ANXA8: variants seen among roughly 807,000 people sequenced by gnomAD.
ANXA8 encodes annexin A8, also known as VAC-beta.
Under a neutral mutation model 26.8 loss-of-function variants are expected in ANXA8, and 9 were observed. The observed-to-expected ratio is 0.34, with a 90% confidence interval of 0.20 to 0.59. ANXA8 has a LOEUF of 0.59. Ranked by LOEUF, ANXA8 falls within the 20% of genes least tolerant of loss-of-function variation. ANXA8 has a pLI of 0.84. For missense variants in ANXA8, 83 were observed against 238.5 expected (o/e 0.35, Z 4.29); for synonymous variants, 39 against 94.8 (o/e 0.41, Z 3.42).
the ANXA8 span, among the ~76,000 whole-genome samples, chr10:47,951,843 T>TACATGCAA: frequency 1.5e-5 from 2 of 134,130 alleles, no homozygotes; most frequent in South Asian, 4.8e-4. Context: ...AAAAGGAATA[T>TACATGCAA]ACATGCAAAC....
At chr10:47,695,506 G>T in the ANXA8 span, among the ~76,000 whole-genome samples, 6 of 151,874 alleles carry the variant, frequency 4.0e-5, no homozygotes, top group Admixed American at 1.3e-4. Flanking sequence ...AGCAGATTTG[G>T]ACATTGCTGA....
chr10:47,621,268 A>G, the ANXA8 span, among the ~76,000 whole-genome samples: 2 of 108,250 alleles, frequency 1.8e-5, 1 homozygote, highest in Admixed American at 2.0e-4. Context: ...ATATTTTTTC[A>G]TATTGGATGT....
chr10:47,502,957 G>A, the ANXA8 span: 948 of 1,589,732 alleles, frequency 6.0e-4, 77 homozygotes, highest in Middle Eastern at 3.4e-3. Context: ...AGAGGGGGGC[G>A]GGTTGAGCTT....
intron 1 of ANXA8, among the ~76,000 whole-genome samples, chr10:47,481,606 C>T (rs1200420315): frequency 1.3e-5 from 2 of 151,912 alleles, no homozygotes; most frequent in Non-Finnish European, 2.9e-5. Flanking sequence ...GCTGTGTAAC[C>T]GCATCCCTGA....
At chr10:47,522,486 C>T in the ANXA8 span, among the ~76,000 whole-genome samples, 4 of 150,734 alleles carry the variant, frequency 2.7e-5, no homozygotes, top group Admixed American at 1.3e-4. Flanking sequence ...AAGCACTCTC[C>T]TTTTTTCTTT....
the ANXA8 span, among the ~76,000 whole-genome samples, chr10:47,940,047 C>T: frequency 6.6e-6 from 1 of 150,404 alleles, no homozygotes; most frequent in South Asian, 2.1e-4. Flanking sequence ...CAGCTCAATG[C>T]CTTCCGAATC....
the ANXA8 span, among the ~76,000 whole-genome samples, chr10:47,744,234 G>A: frequency 1.3e-5 from 2 of 149,572 alleles, no homozygotes; most frequent in African/African-American, 2.5e-5. Flanking sequence ...GCCCTGCAGG[G>A]CGTCTCTGTC....
the ANXA8 span, among the ~76,000 whole-genome samples, chr10:47,521,185 A>T: frequency 7.8e-6 from 1 of 127,574 alleles, no homozygotes; most frequent in Non-Finnish European, 1.6e-5. Flanking sequence ...GACATACATA[A>T]ACTGTGTTGT....
At chr10:47,533,228 C>CACACACACAT in the ANXA8 span, among the ~76,000 whole-genome samples, 5 of 138,646 alleles carry the variant, frequency 3.6e-5, no homozygotes, top group African/African-American at 8.2e-5. Flanking sequence ...CACACACCCC[C>CACACACACAT]GCAGACACCC....
At chr10:47,658,278 T>C in the ANXA8 span, among the ~76,000 whole-genome samples, 1 of 148,740 alleles carries the variant, frequency 6.7e-6, no homozygotes, top group Non-Finnish European at 1.5e-5. Context: ...CCCAACTACT[T>C]GGGAGGCTGA....
the ANXA8 span, among the ~76,000 whole-genome samples, chr10:47,660,830 G>A: frequency 2.7e-5 from 4 of 146,164 alleles, no homozygotes; most frequent in South Asian, 4.2e-4. Context: ...AAAAAAAAAG[G>A]CTACATTCAT....
the ANXA8 span, among the ~76,000 whole-genome samples, chr10:47,497,860 A>C: frequency 6.6e-6 from 1 of 151,768 alleles, no homozygotes; most frequent in Non-Finnish European, 1.5e-5. Flanking sequence ...AATCACTTGA[A>C]CCCAGAAGGC....
chr10:47,487,114 T>G, upstream of ANXA8: 1 of 1,312,138 alleles, frequency 7.6e-7, no homozygotes, highest in Non-Finnish European at 1.0e-6. Context: ...GTGCATGTAA[T>G]AAATACTTAA....
chr10:47,973,833 G>A, the ANXA8 span, among the ~76,000 whole-genome samples: 1 of 151,166 alleles, frequency 6.6e-6, no homozygotes, highest in African/African-American at 2.4e-5. Flanking sequence ...GGTTTAATCA[G>A]TAGGATTGGT....
At chr10:47,973,771 T>C in the ANXA8 span, among the ~76,000 whole-genome samples, 1 of 151,188 alleles carries the variant, frequency 6.6e-6, no homozygotes, top group South Asian at 2.1e-4. Flanking sequence ...TCAGAGACCG[T>C]TAGAAAACCA....
chr10:47,588,924 C>T, the ANXA8 span: 4 of 140,442 alleles, frequency 2.8e-5, no homozygotes, highest in Non-Finnish European at 5.9e-5. Context: ...AAGAGATTCT[C>T]CCACCTCAGC....
chr10:47,655,742 C>G, the ANXA8 span, among the ~76,000 whole-genome samples: 1 of 151,992 alleles, frequency 6.6e-6, no homozygotes, highest in Admixed American at 6.5e-5. Flanking sequence ...TAGCTGCGGC[C>G]GGGCAAGGTG....
At chr10:47,622,257 G>A in the ANXA8 span, among the ~76,000 whole-genome samples, 2 of 111,816 alleles carry the variant, frequency 1.8e-5, 1 homozygote, top group Non-Finnish European at 3.9e-5. Flanking sequence ...CATGCTCACA[G>A]ATGATCCATG....
the ANXA8 span, among the ~76,000 whole-genome samples, chr10:47,881,825 T>TTGTG: frequency 0.093 from 12,239 of 132,090 alleles, 62 homozygotes; most frequent in African/African-American, 0.2. Context: ...ATGTGCATGT[T>TTGTG]TGTGTGTGTG....
Sources: gnomAD v4.1 joint callset for allele counts (sites outside exome capture counted in the v4.1 genomes callset) on GRCh38, gnomAD v4.1.1 for gene constraint, MANE v1.5 for transcripts, NCBI Gene and HGNC (gene_info 2026-07-23, HGNC 2026-07-21) for gene names.